The following CDH6 variants were observed in gnomAD, a reference collection of about 807,000 sequenced individuals.
CDH6 encodes cadherin 6, also known as cadherin-6.
CDH6 carries 31 observed loss-of-function variants against 78.0 expected under a neutral mutation model. The observed-to-expected ratio is 0.40, with a 90% CI of 0.30 to 0.54. The LOEUF (loss-of-function observed/expected upper bound fraction) is 0.54, where lower values mean the gene tolerates loss of function less well. CDH6 is among the 20% of genes least tolerant of loss of function. The pLI, the probability that CDH6 is intolerant of heterozygous loss-of-function variation, is 0.56. For synonymous variants in CDH6, 376 were observed against 368.8 expected, an observed-to-expected ratio of 1.02 and a Z score of -0.23; for missense variants, 724 against 975.9, an observed-to-expected ratio of 0.74 and a Z score of 3.44.
chr5:31,323,066 G>T lies in CDH6; in HGVS notation c.2131G>T (p.Asp711Tyr). 6.2e-7 allele frequency: 1 copy of T among 1,614,134 alleles called. No individual in the cohort carries two copies. Among genetic ancestry groups the T allele is most frequent in the Non-Finnish European group, 8.5e-7 (1 of 1,180,030 alleles). Residue 711 changes from aspartate to tyrosine, a missense_variant, in exon 12 of 12, where the codon GAT (aspartate) becomes TAT (tyrosine). Physicochemically the swap from Asp to Tyr is radical, Grantham distance 160 (BLOSUM62 -3). Transcript: ENST00000265071. ...RRTPTARDNT[D>Y]VRDFINQRLK... Reference sequence around the variant, plus strand: ...GACTCCAACAGCTCGCGACAACACCGATGTCAGAGATTTCATTAACCAAAG... The same window carrying T: ...GACTCCAACAGCTCGCGACAACACCTATGTCAGAGATTTCATTAACCAAAG...
At chr5:31,242,156 C>T (rs1741620184) in intron 1 of CDH6, among the ~76,000 whole-genome samples, 1 of 152,190 alleles carries the variant, frequency 6.6e-6, no homozygotes, top group Admixed American at 6.5e-5. Context: ...AAGTAATTTT[C>T]TTTTGCATCA....
At chr5:31,257,053 T>G (rs935664080) in intron 1 of CDH6, among the ~76,000 whole-genome samples, 5 of 152,248 alleles carry the variant, frequency 3.3e-5, no homozygotes, top group Admixed American at 6.5e-5. Flanking sequence ...AACCAAACAT[T>G]CAAAAGAACT....
chr5:31,282,860 G>T (rs866498995), intron 2 of CDH6, among the ~76,000 whole-genome samples: 6 of 152,192 alleles, frequency 3.9e-5, no homozygotes, highest in South Asian at 4.1e-4. Flanking sequence ...TATTTCAGGG[G>T]TTATTAAATG....
intron 2 of CDH6, among the ~76,000 whole-genome samples, chr5:31,284,532 C>G (rs1241865718): frequency 2.0e-5 from 3 of 152,208 alleles, no homozygotes; most frequent in African/African-American, 7.2e-5. Flanking sequence ...TTCCCATGAG[C>G]CTTCCTGGGC....
chr5:31,206,664 C>T (rs1471952860), intron 1 of CDH6, among the ~76,000 whole-genome samples: 4 of 152,142 alleles, frequency 2.6e-5, no homozygotes, highest in East Asian at 3.9e-4. Context: ...TAGCAATTTA[C>T]GGAAAATAGA....
chr5:31,213,835 A>T (rs371674988), intron 1 of CDH6, among the ~76,000 whole-genome samples: 1 of 131,512 alleles, frequency 7.6e-6, no homozygotes, highest in African/African-American at 2.8e-5. Context: ...GCGTTCTCTG[A>T]CACCTGTGCT....
At chr5:31,263,251 T>C (rs1386714392) in intron 1 of CDH6, among the ~76,000 whole-genome samples, 2 of 145,050 alleles carry the variant, frequency 1.4e-5, no homozygotes, top group East Asian at 4.0e-4. Flanking sequence ...GTGATTCAGG[T>C]CTCTCTTCTT....
At chr5:31,273,197 A>G (rs1479123444) in intron 2 of CDH6, among the ~76,000 whole-genome samples, 5 of 152,368 alleles carry the variant, frequency 3.3e-5, no homozygotes, top group Non-Finnish European at 5.9e-5. Context: ...GTTACTTAAA[A>G]GATGCCATCG....
At chr5:31,320,527 A>G (rs1413899238) in intron 11 of CDH6, among the ~76,000 whole-genome samples, 1 of 152,112 alleles carries the variant, frequency 6.6e-6, no homozygotes, top group African/African-American at 2.4e-5. Flanking sequence ...ATCCCAATGG[A>G]TGTCCTTACT....
chr5:31,311,929 TA>T (rs1209762107), intron 7 of CDH6, among the ~76,000 whole-genome samples: 1 of 129,066 alleles, frequency 7.7e-6, no homozygotes, highest in Non-Finnish European at 1.8e-5. Context: ...CATTTACAAA[TA>T]AGACAACATT....
Position 31,256,073 on chromosome 5 carries a change from G to A in CDH6, c.-128-11273G>A, listed in dbSNP as rs182358600. ...TTAGTGGGAAAGGTGAAGAGAGACA[G>A]AAAAGAATTCATTTGGCCTGTAATG... On this transcript the variant is annotated intron_variant, in intron 1 of 11. Transcript: ENST00000265071. Among the ~76,000 whole-genome samples, 85 of 152,294 alleles carry A rather than the reference G, an allele frequency of 5.6e-4. 1 individual carries two copies. Among genetic ancestry groups the A allele is most frequent in the Non-Finnish European group, 7.2e-4 (49 of 68,026 alleles).
intron 1 of CDH6, among the ~76,000 whole-genome samples, chr5:31,257,670 C>T: frequency 6.6e-6 from 1 of 152,112 alleles, no homozygotes. Context: ...TTGTTCTGTG[C>T]TCAGTTCTTC....
At chr5:31,296,712 G>A (rs1209565342) in intron 3 of CDH6, among the ~76,000 whole-genome samples, 4 of 152,132 alleles carry the variant, frequency 2.6e-5, no homozygotes, top group African/African-American at 9.7e-5. Flanking sequence ...CATTACTTAA[G>A]TCCAAAAGTA....
intron 2 of CDH6, among the ~76,000 whole-genome samples, chr5:31,282,216 G>T (rs1389560300): frequency 2.6e-5 from 4 of 152,070 alleles, no homozygotes; most frequent in African/African-American, 9.7e-5. Context: ...GGTCAGAAAT[G>T]GGTTTCACTG....
intron 2 of CDH6, among the ~76,000 whole-genome samples, chr5:31,280,598 T>C (rs557623088): frequency 6.6e-6 from 1 of 152,230 alleles, no homozygotes; most frequent in South Asian, 2.1e-4. Context: ...GTATTTCAGA[T>C]ACGGTGGGCA....
rs183173489 is a variant in CDH6 at position 31,212,832 on chromosome 5, A to T, written c.-129+18946A>T. The stretch of plus-strand genomic sequence containing the variant: ...CCAAATAAAATAGGAGAATTGACTT[A>T]TAATTCTAGAAATCAAGGCTACCAG... On this transcript the variant is annotated intron_variant, in intron 1 of 11. Coordinates refer to ENST00000265071, the MANE Select transcript of CDH6 (RefSeq NM_004932.4). Among the ~76,000 whole-genome samples the T allele has an allele frequency of 2.3e-4, 35 of 152,242 alleles. No homozygotes were observed. The East Asian group carries it at 6.6e-3, about 29-fold the overall frequency.
chr5:31,236,843 G>C (rs911664403), intron 1 of CDH6, among the ~76,000 whole-genome samples: 1 of 152,088 alleles, frequency 6.6e-6, no homozygotes, highest in Non-Finnish European at 1.5e-5. Context: ...CCCAAGCACT[G>C]TTCTCTCCTC....
intron 1 of CDH6, among the ~76,000 whole-genome samples, chr5:31,202,832 C>A (rs1054450837): frequency 1.2e-4 from 18 of 150,782 alleles, no homozygotes; most frequent in African/African-American, 4.4e-4. Context: ...TGTATATATA[C>A]ACACACATAT....
rs1236727421 is a variant in CDH6, at chr5:31,302,960, A to G, written c.999+662A>G. Reference sequence around the variant, plus strand: ...GAAAGAAAGAAAGAAAGAAAGAAGGAAAGAAAAGAAAGAAAGAAAGAAAGA... The same window carrying G: ...GAAAGAAAGAAAGAAAGAAAGAAGGGAAGAAAAGAAAGAAAGAAAGAAAGA... On this transcript the variant is annotated intron_variant, in intron 6 of 11. Coordinates refer to ENST00000265071, the MANE Select transcript of CDH6 (RefSeq NM_004932.4). Among the ~76,000 whole-genome samples the G allele has an allele frequency of 6.7e-4, 82 of 123,144 alleles. 3 individuals carry two copies. Among genetic ancestry groups the G allele is most frequent in the Non-Finnish European group, 1.1e-3 (61 of 53,832 alleles). The allele number at this position is 123,144 out of a possible 152,430, so 80.8% of individuals were successfully genotyped here.
Sources: allele counts gnomAD v4.1 joint callset (sites outside exome capture counted in the v4.1 genomes callset), GRCh38; gene constraint gnomAD v4.1.1; transcripts MANE v1.5; gene names NCBI Gene and HGNC (gene_info 2026-07-23, HGNC 2026-07-21).